GNAS: variants seen among roughly 807,000 people sequenced by gnomAD.
GNAS encodes the protein GNAS complex locus, also known as protein ALEX.
In GNAS, 8 loss-of-function variants were observed where a neutral mutation model predicts 54.5. The ratio of observed to expected loss-of-function variants is 0.15; its 90% confidence interval spans 0.09 to 0.26. The LOEUF (loss-of-function observed/expected upper bound fraction) is 0.26. Among genes scored for constraint, GNAS ranks in the 10% least tolerant of loss-of-function variants. The pLI is 1.00. For missense variants in GNAS, 170 were observed against 529.8 expected, an observed-to-expected ratio of 0.32 and a Z score of 6.67; for synonymous variants, 204 against 191.4, an observed-to-expected ratio of 1.07 and a Z score of -0.54.
intron 1 of GNAS, chr20:58,852,996 A>G: frequency 1.6e-6 from 2 of 1,260,624 alleles, no homozygotes; most frequent in Non-Finnish European, 2.0e-6. Flanking sequence ...AGACCAAGGA[A>G]GAGGGGCTGG....
chr20:58,852,978 G>T (rs1443381816), intron 1 of GNAS: 32 of 1,184,478 alleles, frequency 2.7e-5, no homozygotes, highest in East Asian at 3.8e-5. Flanking sequence ...AGAGGAGGGC[G>T]TAAGGATAGA....
chr20:58,901,941 C>G (rs1328705719), intron 3 of GNAS, among the ~76,000 whole-genome samples: 1 of 150,252 alleles, frequency 6.7e-6, no homozygotes, highest in Admixed American at 6.7e-5. Context: ...CCTTAACTGT[C>G]GTGTTCTAGT....
chr20:58,883,101 CA>C (rs1299487973), intron 1 of GNAS: 1 of 152,156 alleles, frequency 6.6e-6, no homozygotes, highest in Admixed American at 6.5e-5. Flanking sequence ...AAGCAACACA[CA>C]TTTTTAATCT....
At chr20:58,878,458 A>G (rs920417195) in intron 1 of GNAS, among the ~76,000 whole-genome samples, 6 of 152,232 alleles carry the variant, frequency 3.9e-5, no homozygotes, top group Non-Finnish European at 8.8e-5. Context: ...CAAGTAAAAC[A>G]ACTTTACTTC....
Position 58,863,401 on chromosome 20 carries a change from A to T in GNAS, c.43+22515A>T, listed in dbSNP as rs1041321419. ...TTCTGCCCACAGAACTGCACATTGG[A>T]TCTTACTAAATGTTTTTTAATGATT... On this transcript the variant is annotated intron_variant, in intron 1 of 12. Coordinates refer to the GNAS transcript ENST00000306090. This position sits in a 1 kb window ranked among gnomAD's most constrained non-coding sequence, Gnocchi z 4.1. 1 of 152,064 alleles carries T rather than the reference A, an allele frequency of 6.6e-6. No individual in the cohort carries two copies. Among genetic ancestry groups the T allele is most frequent in the Non-Finnish European group, 1.5e-5 (1 of 67,994 alleles). The allele number at this position is 152,064 out of a possible 1,614,324, so 9.4% of individuals were successfully genotyped here.
chr20:58,890,083 C>A (rs939118382), upstream of GNAS, among the ~76,000 whole-genome samples: 1 of 151,592 alleles, frequency 6.6e-6, no homozygotes, highest in Non-Finnish European at 1.5e-5. Flanking sequence ...GAGGCGCTCC[C>A]CGAAAAGTTC....
chr20:58,872,132 T>C (rs1462295626), intron 1 of GNAS, among the ~76,000 whole-genome samples: 1 of 152,254 alleles, frequency 6.6e-6, no homozygotes, highest in Non-Finnish European at 1.5e-5. Context: ...CACCACCCTC[T>C]GAGCTCTGAC....
chr20:58,850,490 T>C (rs1198114127), intron 1 of GNAS: 1 of 398,298 alleles, frequency 2.5e-6, no homozygotes, highest in East Asian at 3.6e-5. Context: ...GGAGCACCCA[T>C]GGCAGCCTCC....
intron 1 of GNAS, among the ~76,000 whole-genome samples, chr20:58,848,365 G>A (rs564870281): frequency 3.3e-4 from 50 of 152,152 alleles, no homozygotes; most frequent in African/African-American, 1.2e-3. Flanking sequence ...ATCCCAACTC[G>A]GCCTTTTTTT....
chr20:58,889,139 T>C, upstream of GNAS: 3 of 1,201,798 alleles, frequency 2.5e-6, no homozygotes, highest in Non-Finnish European at 3.2e-6. Flanking sequence ...TGGGGCGTCA[T>C]CGGGGCCGGT....
chr20:58,895,359 GA>G (rs1214391262), intron 1 of GNAS: 1 of 487,282 alleles, frequency 2.1e-6, no homozygotes, highest in Non-Finnish European at 3.7e-6. Flanking sequence ...ACAATCAAAA[GA>G]AAAATTAAAA....
intron 1 of GNAS, among the ~76,000 whole-genome samples, chr20:58,880,570 GC>G (rs1276048385): frequency 6.6e-6 from 1 of 152,224 alleles, no homozygotes; most frequent in Admixed American, 6.5e-5. Flanking sequence ...AAGCGTGACA[GC>G]TGGGTGATTT....
chr20:58,857,618 A>C lies in GNAS; in HGVS notation c.43+16732A>C, dbSNP rs948561342. ...GAAGCTTTCCTAGCAGATCTCCACTAAGGAATGCTTTTGCACCATGATTTG... is the reference window on the plus strand; with the variant it reads ...GAAGCTTTCCTAGCAGATCTCCACTCAGGAATGCTTTTGCACCATGATTTG... On this transcript the variant is annotated intron_variant, in intron 1 of 12. Coordinates refer to the GNAS transcript ENST00000306090. The surrounding 1 kb of genome is among the most constrained non-coding windows in gnomAD (Gnocchi z 4.1). 6.6e-6 allele frequency among the ~76,000 whole-genome samples: 1 copy of C among 152,124 alleles called. No individual in the cohort carries two copies. Among genetic ancestry groups the C allele is most frequent in the Non-Finnish European group, 1.5e-5 (1 of 68,010 alleles).
intron 1 of GNAS, among the ~76,000 whole-genome samples, chr20:58,894,724 G>A (rs1015663281): frequency 6.6e-6 from 1 of 152,240 alleles, no homozygotes; most frequent in African/African-American, 2.4e-5. Context: ...TACTCTTTGA[G>A]TTGGGAAGGG....
At chr20:58,850,670 G>A (rs1271673079) in intron 1 of GNAS, 1 of 399,034 alleles carries the variant, frequency 2.5e-6, no homozygotes. Context: ...CACCTTGCCC[G>A]GCAGTGGCAC....
At chr20:58,875,460 G>A (rs1189798165) in intron 1 of GNAS, among the ~76,000 whole-genome samples, 1 of 152,196 alleles carries the variant, frequency 6.6e-6, no homozygotes, top group African/African-American at 2.4e-5. Context: ...ATTCTAACAA[G>A]AGGCATTGGG....
Position 58,855,125 on chromosome 20 carries a change from C to G in GNAS, c.43+14239C>G, listed in dbSNP as rs199549396. ...TCGTGCAAGCCTTCGGGGGCTGCTT[C>G]GGTCGATCTGAGAGTCCCCAGCCCA... On this transcript the variant is annotated intron_variant, in intron 1 of 12. Coordinates refer to the GNAS transcript ENST00000306090. 2.0e-5 allele frequency: 32 copies of G among 1,613,578 alleles called. No individual in the cohort carries two copies. The highest frequency in any genetic ancestry group is 1.7e-4 in the Admixed American group (10 of 60,002).
Position 58,898,983 on chromosome 20 carries a change from T to G in GNAS, c.255T>G (p.Asp85Glu). The G allele has an allele frequency of 6.2e-7, 1 of 1,612,326 alleles. No homozygotes were observed. The highest frequency in any genetic ancestry group is 8.5e-7 in the Non-Finnish European group (1 of 1,178,384). Residue 85 changes from aspartate to glutamate, a missense_variant and splice_region_variant, in exon 3 of 13, where the codon GAT becomes GAG. By Grantham distance (45) the Asp-to-Glu change is conservative. This residue lies in a region of GNAS where 78 missense variants were observed against 251.1 expected (regional missense o/e 0.31). Coordinates refer to ENST00000371085, the MANE Select transcript of GNAS (RefSeq NM_000516.7). Reference protein sequence around the residue: ...EDPQAARSNSDGEKATKVQDI... With the variant: ...EDPQAARSNSEGEKATKVQDI... ...CGCAGGCTGCAAGGAGCAACAGCGA[T>G]GGGTAGGCACATTCAAAACCAGAAA... is the stretch of plus-strand genomic sequence containing the variant.
chr20:58,891,911 A>G (rs778697861), intron 1 of GNAS, 46 bp downstream of exon 1: 2 of 969,072 alleles, frequency 2.1e-6, no homozygotes, highest in African/African-American at 3.8e-5. Context: ...GGGCCCTCGA[A>G]GGGCGCCCCG....
Sources: allele counts gnomAD v4.1 joint callset (sites outside exome capture counted in the v4.1 genomes callset), GRCh38; gene constraint gnomAD v4.1.1; regional missense constraint gnomAD v4.1.1; non-coding constraint Gnocchi (gnomAD v3.1); transcripts MANE v1.5; gene names NCBI Gene and HGNC (gene_info 2026-07-23, HGNC 2026-07-21).